MYCBP2: variants seen among roughly 807,000 people sequenced by gnomAD.
MYCBP2 encodes E3 ubiquitin-protein ligase MYCBP2.
A neutral mutation model predicts 525.3 loss-of-function variants in MYCBP2; 120 were observed. The observed-to-expected ratio is 0.23, with a 90% CI of 0.20 to 0.27. The LOEUF is 0.27. Ranked by LOEUF, MYCBP2 falls within the 10% of genes least tolerant of loss-of-function variation. The pLI is 1.00. For synonymous variants in MYCBP2, 1,894 were observed against 1,955.8 expected, an observed-to-expected ratio of 0.97 and a Z score of 0.83; for missense variants, 4,149 against 5,657.1, an observed-to-expected ratio of 0.73 and a Z score of 8.55.
chr13:77,077,420 T>A, intron 66 of MYCBP2, 33 bp from the exon 67 acceptor site: 2 of 1,611,010 alleles, frequency 1.2e-6, no homozygotes. Context: ...GGAACCTGAT[T>A]CAGCTGGATC....
At chr13:77,194,124 T>A in intron 27 of MYCBP2, 29 bp downstream of exon 27, 1 of 1,452,302 alleles carries the variant, frequency 6.9e-7, no homozygotes, top group Non-Finnish European at 9.6e-7. Flanking sequence ...TATGCAAGAG[T>A]TACAATGAAT....
At chr13:77,296,729 C>T (rs908055226) in intron 1 of MYCBP2, 55 bp from the exon 2 acceptor site, 4 of 1,187,764 alleles carry the variant, frequency 3.4e-6, no homozygotes, top group African/African-American at 3.2e-5. Flanking sequence ...TTAGGACATA[C>T]AAAGCTATCA....
At chr13:77,265,792 G>C (rs748381139) in intron 8 of MYCBP2, among the ~76,000 whole-genome samples, 2 of 152,152 alleles carry the variant, frequency 1.3e-5, no homozygotes, top group Non-Finnish European at 2.9e-5. Flanking sequence ...AGGCTTGAGG[G>C]AGGAGTCTTC....
intron 18 of MYCBP2, among the ~76,000 whole-genome samples, chr13:77,229,294 A>C (rs2154299265): frequency 6.6e-6 from 1 of 152,334 alleles, no homozygotes; most frequent in East Asian, 1.9e-4. Context: ...ACTTTCTTTA[A>C]TGAATAAAGC....
intron 1 of MYCBP2, among the ~76,000 whole-genome samples, chr13:77,320,469 T>C (rs1212373651): frequency 2.6e-5 from 4 of 152,136 alleles, no homozygotes; most frequent in South Asian, 2.1e-4. Flanking sequence ...CTAATAAACA[T>C]AGAAGAAATA....
intron 52 of MYCBP2, among the ~76,000 whole-genome samples, chr13:77,134,169 C>T (rs994455951): frequency 6.6e-6 from 1 of 151,918 alleles, no homozygotes; most frequent in African/African-American, 2.4e-5. Context: ...GGAAGTGAAA[C>T]CATTCTAGAT....
chr13:77,164,484 G>T lies in MYCBP2; in HGVS notation c.6517C>A (p.Leu2173Met), dbSNP rs2058311324. 6.2e-7 allele frequency: 1 copy of T among 1,612,846 alleles called. No individual in the cohort carries two copies. The highest frequency in any genetic ancestry group is 1.3e-5 in the African/African-American group (1 of 74,862). Residue 2173 changes from leucine (L) to methionine (M), a missense_variant, in exon 43 of 83, where the codon CTG (leucine) becomes ATG (methionine). Leu to Met is a conservative substitution (Grantham distance 15). This residue lies in a region of MYCBP2 where 692 missense variants were observed against 852.7 expected (regional missense o/e 0.81). Transcript: ENST00000544440. Reference sequence around the variant, plus strand: ...GGAAGTGCTAGGTCCTTCTTCATCAGAGCTGCTGCACAAACCCCACCAAGA... The same window carrying T: ...GGAAGTGCTAGGTCCTTCTTCATCATAGCTGCTGCACAAACCCCACCAAGA... ...ANLGGVCAAA[L>M]MKKDLALPIG...
chr13:77,068,907 A>G, intron 69 of MYCBP2, 76 bp from the exon 70 acceptor site: 1 of 1,392,058 alleles, frequency 7.2e-7, no homozygotes, highest in Non-Finnish European at 9.9e-7. Context: ...ACAAGCAAAC[A>G]AAAGAATAAG....
In MYCBP2 at chr13:77,108,422, T is replaced by C. The variant is rs116729876; in HGVS notation, c.8141-9409A>G. ...CCTTAGAAAGAATAACTTCAAAATA[T>C]AAGAGACAGGTATTGCTTCCCGAGC... On this transcript the variant is annotated intron_variant, in intron 55 of 82. Transcript: ENST00000544440. 2.2e-3 allele frequency among the ~76,000 whole-genome samples: 330 copies of C among 152,296 alleles called. 4 individuals are homozygous for C. The highest frequency in any genetic ancestry group is 7.1e-3 in the African/African-American group (295 of 41,560).
intron 13 of MYCBP2, among the ~76,000 whole-genome samples, chr13:77,259,100 C>A (rs1407799669): frequency 6.6e-6 from 1 of 152,020 alleles, no homozygotes; most frequent in African/African-American, 2.4e-5. Context: ...ACTAAAAATA[C>A]AAAAAATACA....
At chr13:77,238,382 A>C (rs1322570054) in intron 17 of MYCBP2, among the ~76,000 whole-genome samples, 1 of 152,140 alleles carries the variant, frequency 6.6e-6, no homozygotes, top group Non-Finnish European at 1.5e-5. Context: ...AAGAAGAAAA[A>C]GCTAACATTA....
At position 77,270,372 on chromosome 13, in the gene MYCBP2, T is replaced by G. The variant is rs1262830234; in HGVS notation, c.1112A>C (p.Asn371Thr). 6.2e-7 allele frequency: 1 copy of G among 1,613,738 alleles called. No individual in the cohort carries two copies. The highest frequency in any genetic ancestry group is 8.5e-7 in the Non-Finnish European group (1 of 1,179,814). ...VDEDDQCLLQ[N>T]DGFFLYLLCK... ...TAATAGATAAAGAAAAAATCCATCATTCTGAAGTAGACATTGGTCATCTTC... is the reference window on the plus strand; with the variant it reads ...TAATAGATAAAGAAAAAATCCATCAGTCTGAAGTAGACATTGGTCATCTTC... The change falls in exon 6 of 83, where the codon AAT becomes ACT. Residue 371 changes from asparagine to threonine, a missense_variant. By Grantham distance (65) the Asn-to-Thr change is moderately conservative. Around this residue, in one of 21 missense-constraint regions of MYCBP2, gnomAD observed 262 missense variants for 419.3 expected, o/e 0.62. Coordinates refer to ENST00000544440, the MANE Select transcript of MYCBP2 (RefSeq NM_015057.5).
intron 2 of MYCBP2, among the ~76,000 whole-genome samples, chr13:77,288,705 C>T (rs563070435): frequency 2.0e-5 from 3 of 152,258 alleles, no homozygotes; most frequent in African/African-American, 4.8e-5. Context: ...ATTCATTTTA[C>T]GACTTCCTAA....
Position 77,120,778 on chromosome 13 carries a change from CA to C in MYCBP2, c.8140+594del, listed in dbSNP as rs2050557023. Among the ~76,000 whole-genome samples, 3 of 152,166 alleles carry C rather than the reference CA, an allele frequency of 2.0e-5. No individual in the cohort carries two copies. In the South Asian group the frequency reaches 6.2e-4, roughly 32 times the overall value. On this transcript the variant is annotated intron_variant, in intron 55 of 82. Coordinates refer to ENST00000544440, the MANE Select transcript of MYCBP2 (RefSeq NM_015057.5). Reference sequence around the variant, plus strand: ...TGCTGGTCTCTTCCATTAATGCAGCCAAAACAGCTGTATATATATTATATTC... The same window carrying C: ...TGCTGGTCTCTTCCATTAATGCAGCCAAACAGCTGTATATATATTATATTC...
At position 77,302,820 on chromosome 13, in the gene MYCBP2, A is replaced by G. The variant is rs9574033; in HGVS notation, c.303-6146T>C. On this transcript the variant is annotated intron_variant, in intron 1 of 82. Transcript: ENST00000544440. ...CAACAGTATTAAAAGAAATGAAAAG[A>G]GCATTTCTAAATGGCAAAAGGGTCA... Among the ~76,000 whole-genome samples the G allele has an allele frequency of 7.9e-5, 12 of 152,382 alleles. No individual in the cohort carries two copies. The East Asian group carries it at 2.3e-3, about 29-fold the overall frequency.
Position 77,093,405 on chromosome 13 carries a change from TA to T in MYCBP2, c.10200-74del, listed in dbSNP as rs1202487105. The T allele has an allele frequency of 6.9e-5, 92 of 1,331,940 alleles. 1 individual carries two copies. In the African/African-American group the frequency reaches 1.1e-3, roughly 16 times the overall value. The allele number at this position is 1,331,940 out of a possible 1,614,324, so 82.5% of individuals were successfully genotyped here. A position where few individuals can be genotyped will look rare whatever the true frequency, so the allele number is the denominator to read the frequency against. On this transcript the variant is annotated intron_variant, in intron 58 of 82. Coordinates refer to ENST00000544440, the MANE Select transcript of MYCBP2 (RefSeq NM_015057.5). ...TCCTCTCCATTTTTAATCTCTTTCA[TA>T]ACAGGAAAAGCAGCACATGTAAATC...
At chr13:77,298,749 T>C (rs910231578) in intron 1 of MYCBP2, among the ~76,000 whole-genome samples, 7 of 152,180 alleles carry the variant, frequency 4.6e-5, no homozygotes, top group African/African-American at 1.7e-4. Context: ...TCATGGAAAC[T>C]ATGTATGTGG....
rs1177346790 is a variant in MYCBP2 at position 77,058,317 on chromosome 13, T to C, written c.13230A>G (p.Leu4410=). 1.9e-6 allele frequency: 3 copies of C among 1,614,186 alleles called. No individual in the cohort carries two copies. The highest frequency in any genetic ancestry group is 1.7e-4 in the Middle Eastern group (1 of 6,060). The change falls in exon 78 of 83, where the codon CTA becomes CTG. Residue 4410 remains leucine (L), a synonymous_variant. Coordinates refer to ENST00000544440, the MANE Select transcript of MYCBP2 (RefSeq NM_015057.5). The surrounding 1 kb of genome is among the most constrained non-coding windows in gnomAD (Gnocchi z 4.1). The part of the protein sequence containing the change: ...VKNEEHCLPC[L]HGCDKSATSL... Reference sequence around the variant, plus strand: ...TTGTGGCACTTTTGTCACAGCCGTGTAGACAGGGCAGACAGTGCTCTTCGT... The same window carrying C: ...TTGTGGCACTTTTGTCACAGCCGTGCAGACAGGGCAGACAGTGCTCTTCGT...
At chr13:77,267,444 T>A (rs754193239) in intron 8 of MYCBP2, among the ~76,000 whole-genome samples, 19 of 151,008 alleles carry the variant, frequency 1.3e-4, no homozygotes, top group African/African-American at 2.9e-4. Flanking sequence ...TAAATTAAAT[T>A]AAATAAGGAG....
Sources: gnomAD v4.1 joint callset for allele counts (sites outside exome capture counted in the v4.1 genomes callset) on GRCh38, gnomAD v4.1.1 for gene constraint, gnomAD v4.1.1 regional missense constraint, Gnocchi (gnomAD v3.1) non-coding constraint, MANE v1.5 for transcripts, NCBI Gene and HGNC (gene_info 2026-07-23, HGNC 2026-07-21) for gene names.